Variants in RXRA observed in about 807,000 individuals in gnomAD.
RXRA encodes the protein retinoic acid receptor RXR-alpha.
In RXRA, 5 loss-of-function variants were observed where a neutral mutation model predicts 44.5. The observed-to-expected ratio is 0.11, with a 90% CI of 0.06 to 0.24. RXRA has a LOEUF of 0.24. Ranked by LOEUF, RXRA falls within the 10% of genes least tolerant of loss-of-function variation. The pLI is 1.00. For synonymous variants in RXRA, 291 were observed against 271.4 expected (o/e 1.07, Z -0.71); for missense variants, 412 against 646.5 (o/e 0.64, Z 3.93).
intron 1 of RXRA, among the ~76,000 whole-genome samples, chr9:134,392,292 G>A (rs923031234): frequency 1.4e-5 from 2 of 141,512 alleles, no homozygotes; most frequent in African/African-American, 5.0e-5. Flanking sequence ...TCTGCCCCAG[G>A]CAGCAGATGG....
intron 3 of RXRA, 128 bp from the exon 4 acceptor site, chr9:134,408,812 G>A (rs1272670586): frequency 2.0e-5 from 17 of 860,580 alleles, no homozygotes; most frequent in Non-Finnish European, 3.0e-5. Context: ...CCCAGGCAGG[G>A]GTCTGGAGAC....
At position 134,417,354 on chromosome 9, in the gene RXRA, G is replaced by A. The variant is rs1831252287; in HGVS notation, c.780+27G>A. On this transcript the variant is annotated intron_variant, in intron 5 of 9. Transcript: ENST00000481739. This position sits in a 1 kb window ranked among gnomAD's most constrained non-coding sequence, Gnocchi z 6.1. ...TGAGTTGCAGCCTGTGCAGGGGTGG[G>A]CAGCCTCACATGCCTCAGTTTCCCT... The A allele has an allele frequency of 6.2e-7, 1 of 1,606,384 alleles. No individual in the cohort carries two copies. The highest frequency in any genetic ancestry group is 1.3e-5 in the African/African-American group (1 of 74,942).
chr9:134,337,764 C>G (rs185248402), intron 1 of RXRA, among the ~76,000 whole-genome samples: 1 of 152,172 alleles, frequency 6.6e-6, no homozygotes, highest in Non-Finnish European at 1.5e-5. Flanking sequence ...AGCTCGCTGA[C>G]TCTGCCTTCC....
intron 6 of RXRA, chr9:134,423,058 G>A (rs1831374827): frequency 1.0e-6 from 1 of 985,378 alleles, no homozygotes; most frequent in Admixed American, 6.1e-5. Flanking sequence ...GGGTTTTGGG[G>A]TCAGGTTGGC....
chr9:134,432,914 G>C (rs773159997), intron 8 of RXRA, among the ~76,000 whole-genome samples: 2 of 152,186 alleles, frequency 1.3e-5, no homozygotes, highest in African/African-American at 4.8e-5. Context: ...GTCCTGAGGG[G>C]TTCCAGCCGG....
chr9:134,421,630 A>G (rs766723183), intron 5 of RXRA, 46 bp from the exon 6 acceptor site: 15 of 1,540,980 alleles, frequency 9.7e-6, no homozygotes, highest in African/African-American at 1.4e-5. Flanking sequence ...TGGTCAGTAC[A>G]CTGGCTTCTG....
At chr9:134,413,090 C>T (rs1371666227) in intron 4 of RXRA, among the ~76,000 whole-genome samples, 1 of 152,138 alleles carries the variant, frequency 6.6e-6, no homozygotes, top group African/African-American at 2.4e-5. Context: ...GAGTGTGGCC[C>T]TCTTGCCTTC....
intron 5 of RXRA, among the ~76,000 whole-genome samples, chr9:134,420,757 A>G (rs747795158): frequency 2.0e-5 from 3 of 152,224 alleles, no homozygotes; most frequent in Admixed American, 6.5e-5. Flanking sequence ...CCCATTGCTC[A>G]GGACACAGAA....
intron 5 of RXRA, among the ~76,000 whole-genome samples, chr9:134,420,149 G>A (rs34159610): frequency 0.013 from 1,964 of 152,352 alleles, 39 homozygotes; most frequent in African/African-American, 0.045. Flanking sequence ...CAGACACGGT[G>A]CTCGGGGCTG....
At chr9:134,378,076 T>G (rs1411064666) in intron 1 of RXRA, among the ~76,000 whole-genome samples, 3 of 152,206 alleles carry the variant, frequency 2.0e-5, no homozygotes, top group African/African-American at 7.2e-5. Context: ...GCGAGCAGGT[T>G]TCACGATGAC....
At chr9:134,412,044 C>T (rs571788975) in intron 4 of RXRA, among the ~76,000 whole-genome samples, 70 of 152,316 alleles carry the variant, frequency 4.6e-4, no homozygotes, top group African/African-American at 1.6e-3. Flanking sequence ...CCCTTGGCTC[C>T]AGATGGGTCC....
rs1424278159 is a variant in RXRA, at chr9:134,417,374, TTCCCTCACTCACTCACCC to T, written c.780+52_780+69del. Reference sequence around the variant, plus strand: ...GGTGGGCAGCCTCACATGCCTCAGTTTCCCTCACTCACTCACCCTCCCACCTGAGCAGCTGATGAGCCA... The same window carrying T: ...GGTGGGCAGCCTCACATGCCTCAGTTTCCCACCTGAGCAGCTGATGAGCCA... On this transcript the variant is annotated intron_variant, in intron 5 of 9. Coordinates refer to ENST00000481739, the MANE Select transcript of RXRA (RefSeq NM_002957.6). This position sits in a 1 kb window ranked among gnomAD's most constrained non-coding sequence, Gnocchi z 6.1. 1 of 1,592,840 alleles carries T rather than the reference TTCCCTCACTCACTCACCC, an allele frequency of 6.3e-7. No individual in the cohort carries two copies. Among genetic ancestry groups the T allele is most frequent in the Non-Finnish European group, 8.6e-7 (1 of 1,165,634 alleles).
intron 1 of RXRA, among the ~76,000 whole-genome samples, chr9:134,334,760 C>T (rs1003076930): frequency 6.6e-6 from 1 of 152,228 alleles, no homozygotes; most frequent in Admixed American, 6.5e-5. Flanking sequence ...GACCAGCTCC[C>T]TGGGAAATGG....
Position 134,434,193 on chromosome 9 carries a change from A to G in RXRA, c.1227A>G (p.Pro409=). Residue 409 remains proline (P), a synonymous_variant, in exon 9 of 10, where the codon CCA becomes CCG. Coordinates refer to ENST00000481739, the MANE Select transcript of RXRA (RefSeq NM_002957.6). ...AGGCCTACTGCAAGCACAAGTACCCAGAGCAGCCGGGAAGGTGGGTCCCGC... is the reference window on the plus strand; with the variant it reads ...AGGCCTACTGCAAGCACAAGTACCCGGAGCAGCCGGGAAGGTGGGTCCCGC... ...SLEAYCKHKY[P]EQPGRFAKLL... 6.2e-7 allele frequency: 1 copy of G among 1,613,454 alleles called. No individual in the cohort carries two copies. The highest frequency in any genetic ancestry group is 8.5e-7 in the Non-Finnish European group (1 of 1,179,608).
intron 1 of RXRA, among the ~76,000 whole-genome samples, chr9:134,376,860 G>A (rs1830564375): frequency 6.6e-6 from 1 of 152,248 alleles, no homozygotes; most frequent in Non-Finnish European, 1.5e-5. Flanking sequence ...AAGGGGCATG[G>A]TGAGGGCACC....
intron 4 of RXRA, among the ~76,000 whole-genome samples, chr9:134,413,963 C>T (rs955127522): frequency 2.6e-5 from 4 of 152,170 alleles, no homozygotes; most frequent in Admixed American, 6.5e-5. Context: ...CCAGCCGCCA[C>T]GCTCTGGTCT....
intron 1 of RXRA, among the ~76,000 whole-genome samples, chr9:134,362,033 A>G (rs924176110): frequency 2.6e-5 from 4 of 152,110 alleles, no homozygotes; most frequent in African/African-American, 4.8e-5. Context: ...AGGAGCCCCA[A>G]TCTGTCTCCC....
chr9:134,393,489 G>T (rs13296121), intron 1 of RXRA, among the ~76,000 whole-genome samples: 1 of 152,222 alleles, frequency 6.6e-6, no homozygotes, highest in African/African-American at 2.4e-5. Context: ...TCCCTGGACA[G>T]TGGCCGCCAT....
intron 1 of RXRA, among the ~76,000 whole-genome samples, chr9:134,331,409 G>A (rs540913975): frequency 6.6e-6 from 1 of 152,372 alleles, no homozygotes; most frequent in Admixed American, 6.5e-5. Flanking sequence ...CGCGTGCAGG[G>A]CTTGGGTGTG....
Sources: gnomAD v4.1 joint callset for allele counts (sites outside exome capture counted in the v4.1 genomes callset) on GRCh38, gnomAD v4.1.1 for gene constraint, Gnocchi (gnomAD v3.1) non-coding constraint, MANE v1.5 for transcripts, NCBI Gene and HGNC (gene_info 2026-07-23, HGNC 2026-07-21) for gene names.